The following SPMIP7 variants were observed in gnomAD, a reference collection of about 807,000 sequenced individuals.
SPMIP7 encodes protein SPMIP7.
chr7:50,131,598 G>T, the SPMIP7 span, among the ~76,000 whole-genome samples: 2 of 152,000 alleles, frequency 1.3e-5, no homozygotes, highest in African/African-American at 4.8e-5. Flanking sequence ...CGTTAAAAAA[G>T]AGAAAAAAAG....
the SPMIP7 span, among the ~76,000 whole-genome samples, chr7:50,123,881 A>G: frequency 6.6e-6 from 1 of 152,144 alleles, no homozygotes; most frequent in Non-Finnish European, 1.5e-5. Context: ...ATCCAAATAT[A>G]TCATAATTAC....
At chr7:50,098,604 A>C in the SPMIP7 span, among the ~76,000 whole-genome samples, 2 of 152,170 alleles carry the variant, frequency 1.3e-5, no homozygotes, top group African/African-American at 4.8e-5. Flanking sequence ...GCCAAGAATC[A>C]TGGAATTGGT....
the SPMIP7 span, among the ~76,000 whole-genome samples, chr7:50,107,362 C>CAAAAAAA: frequency 7.8e-4 from 13 of 16,636 alleles, no homozygotes; most frequent in Non-Finnish European, 1.1e-3. Flanking sequence ...GACTCTGTCT[C>CAAAAAAA]AAAAAAAAAA....
chr7:50,139,077 G>T, the SPMIP7 span, among the ~76,000 whole-genome samples: 3 of 152,112 alleles, frequency 2.0e-5, no homozygotes, highest in Non-Finnish European at 4.4e-5. Context: ...TTGACCAGGT[G>T]TGGGGGCTCA....
At chr7:50,150,506 C>T in the SPMIP7 span, among the ~76,000 whole-genome samples, 1 of 152,246 alleles carries the variant, frequency 6.6e-6, no homozygotes, top group East Asian at 1.9e-4. Flanking sequence ...TTACACAGAG[C>T]CTCATGATCT....
chr7:50,129,357 A>C, the SPMIP7 span, among the ~76,000 whole-genome samples: 1 of 152,064 alleles, frequency 6.6e-6, no homozygotes, highest in Non-Finnish European at 1.5e-5. Context: ...AAAGTATCTC[A>C]TAACTAATCT....
the SPMIP7 span, chr7:50,141,305 T>C: frequency 6.4e-7 from 1 of 1,551,852 alleles, no homozygotes. Flanking sequence ...CTACAAATGC[T>C]GATGATGTTG....
chr7:50,101,169 A>G, the SPMIP7 span, among the ~76,000 whole-genome samples: 2 of 152,240 alleles, frequency 1.3e-5, no homozygotes, highest in African/African-American at 2.4e-5. Flanking sequence ...GGGCCTGGAC[A>G]TTTGACTGGC....
chr7:50,151,683 A>C, the SPMIP7 span: 2 of 672,814 alleles, frequency 3.0e-6, no homozygotes, highest in Non-Finnish European at 2.4e-6. Context: ...AAAATGTGGC[A>C]TCAAGTCCGA....
the SPMIP7 span, among the ~76,000 whole-genome samples, chr7:50,155,863 C>G: frequency 0.066 from 9,763 of 146,936 alleles, 2,936 homozygotes; most frequent in Non-Finnish European, 0.075. Context: ...ACATACAGCT[C>G]TCATCCATGG....
At chr7:50,143,859 AT>A in the SPMIP7 span, among the ~76,000 whole-genome samples, 10 of 152,308 alleles carry the variant, frequency 6.6e-5, no homozygotes, top group South Asian at 2.1e-3. Context: ...TACACAGAAC[AT>A]TTTTACCACT....
the SPMIP7 span, chr7:50,158,988 G>A: frequency 9.2e-6 from 14 of 1,525,370 alleles, no homozygotes; most frequent in Non-Finnish European, 1.2e-5. Flanking sequence ...ATGAGGTTGT[G>A]TATTTGTACA....
chr7:50,111,378 C>T, the SPMIP7 span, among the ~76,000 whole-genome samples: 1 of 152,104 alleles, frequency 6.6e-6, no homozygotes, highest in African/African-American at 2.4e-5. Flanking sequence ...ACAAGATTGA[C>T]TGAACCAGAT....
chr7:50,127,970 T>C, the SPMIP7 span, among the ~76,000 whole-genome samples: 1 of 151,894 alleles, frequency 6.6e-6, no homozygotes, highest in Non-Finnish European at 1.5e-5. Flanking sequence ...TGAGTATATA[T>C]CCAAAAGAAA....
At chr7:50,101,611 C>G in the SPMIP7 span, among the ~76,000 whole-genome samples, 3 of 152,186 alleles carry the variant, frequency 2.0e-5, no homozygotes, top group Non-Finnish European at 4.4e-5. Context: ...TGTAATTCAT[C>G]GTCCAGAGTC....
At chr7:50,125,115 T>TATATATATATATATATACACAC in the SPMIP7 span, among the ~76,000 whole-genome samples, 9 of 25,418 alleles carry the variant, frequency 3.5e-4, 1 homozygote, top group East Asian at 4.3e-3. Context: ...TATATATATA[T>TATATATATATATATATACACAC]ACACACACAC....
chr7:50,134,089 C>T, the SPMIP7 span: 8,102 of 1,521,588 alleles, frequency 5.3e-3, 317 homozygotes, highest in South Asian at 0.075. Context: ...TAAGATGTTC[C>T]TATTTAATAA....
the SPMIP7 span, among the ~76,000 whole-genome samples, chr7:50,107,334 A>C: frequency 7.9e-6 from 1 of 127,098 alleles, no homozygotes; most frequent in Non-Finnish European, 1.6e-5. Context: ...CCACGCTCCA[A>C]TCTGGATGAC....
chr7:50,159,204 G>C, the SPMIP7 span: 1 of 1,544,076 alleles, frequency 6.5e-7, no homozygotes, highest in South Asian at 1.2e-5. Flanking sequence ...CCAGGCCTCC[G>C]CCTGGGGAAG....
Sources: allele counts gnomAD v4.1 joint callset (sites outside exome capture counted in the v4.1 genomes callset), GRCh38; gene constraint gnomAD v4.1.1; transcripts MANE v1.5; gene names NCBI Gene and HGNC (gene_info 2026-07-23, HGNC 2026-07-21).